The following ZNF608 variants were observed in gnomAD, a reference collection of about 807,000 sequenced individuals.
ZNF608 encodes the protein renal carcinoma antigen NY-REN-36.
A neutral mutation model predicts 109.0 loss-of-function variants in ZNF608; 12 were observed. That is an observed-to-expected ratio of 0.11 (90% CI 0.07 to 0.18). ZNF608 has a LOEUF of 0.18. Among genes scored for constraint, ZNF608 ranks in the 10% least tolerant of loss-of-function variants. The probability of loss-of-function intolerance (pLI) is 1.00; values close to 1 mark genes in which losing one functional copy is unlikely to be tolerated. For synonymous variants in ZNF608, 732 were observed against 717.4 expected (o/e 1.02, Z -0.33); for missense variants, 1,707 against 1,879.3 (o/e 0.91, Z 1.70).
At chr5:124,678,293 C>A (rs997528295) in intron 3 of ZNF608, among the ~76,000 whole-genome samples, 1 of 152,128 alleles carries the variant, frequency 6.6e-6, no homozygotes, top group African/African-American at 2.4e-5. Flanking sequence ...CTCTCAGTAC[C>A]CAAAGGCCTC....
Position 124,703,468 on chromosome 5 carries a change from T to A in ZNF608, c.907-2199A>T, listed in dbSNP as rs190927478. ...CTCTCTGAGGCCCATTTTCCTCAAC[T>A]AGAAAACACATTCCTGGCCAGGTGT... On this transcript the variant is annotated intron_variant, in intron 2 of 9. Transcript: ENST00000513986. 3.1e-3 allele frequency among the ~76,000 whole-genome samples: 468 copies of A among 152,170 alleles called. 1 individual carries two copies. The highest frequency in any genetic ancestry group is 4.5e-3 in the Non-Finnish European group (308 of 68,002).
intron 3 of ZNF608, among the ~76,000 whole-genome samples, chr5:124,664,333 A>G (rs1238469112): frequency 2.0e-5 from 3 of 152,242 alleles, no homozygotes; most frequent in Non-Finnish European, 4.4e-5. Flanking sequence ...AACTGAACTC[A>G]GGATTTGCTC....
chr5:124,708,445 A>G (rs1240103915), intron 2 of ZNF608, among the ~76,000 whole-genome samples: 3 of 152,236 alleles, frequency 2.0e-5, no homozygotes, highest in Admixed American at 6.5e-5. Context: ...TGAGATGGAA[A>G]GAAATCTTTC....
chr5:124,721,707 G>A (rs906745618), intron 2 of ZNF608, among the ~76,000 whole-genome samples: 26 of 151,818 alleles, frequency 1.7e-4, no homozygotes, highest in Admixed American at 3.3e-4. Flanking sequence ...AGGCTGAGGC[G>A]GGTGGATCGT....
rs34612595 is a variant in ZNF608, at chr5:124,668,195, A to AATAT, written c.1163-18502_1163-18499dup. 1.0e-3 allele frequency among the ~76,000 whole-genome samples: 142 copies of AATAT among 135,676 alleles called. 1 individual carries two copies. The highest frequency in any genetic ancestry group is 1.5e-3 in the Non-Finnish European group (98 of 64,354). 89.0% of individuals were successfully genotyped at this position (135,676 alleles called of 152,430 possible). On this transcript the variant is annotated intron_variant, in intron 3 of 9. Transcript: ENST00000513986. ...TATGGAGACCTTCTCTATGCTTAAA[A>AATAT]ATATATATATATATATATATATTAT... is the stretch of plus-strand genomic sequence containing the variant.
chr5:124,652,314 C>G (rs990283462), intron 3 of ZNF608, among the ~76,000 whole-genome samples: 3 of 152,178 alleles, frequency 2.0e-5, no homozygotes, highest in African/African-American at 7.2e-5. Flanking sequence ...AAGAAAAATC[C>G]ATTTTCAACC....
At chr5:124,713,810 G>T (rs1753592840) in intron 2 of ZNF608, among the ~76,000 whole-genome samples, 1 of 152,088 alleles carries the variant, frequency 6.6e-6, no homozygotes, top group Admixed American at 6.6e-5. Context: ...GTTGGAACAG[G>T]GCAGGAAGGA....
chr5:124,745,231 A>C (rs571513568), intron 1 of ZNF608, 59 bp from the exon 2 acceptor site: 2 of 1,357,374 alleles, frequency 1.5e-6, no homozygotes, highest in South Asian at 3.7e-5. Context: ...AGAATAAAAA[A>C]CGATTAGTAT....
intron 9 of ZNF608, 147 bp from the exon 10 acceptor site, chr5:124,638,053 T>A: frequency 1.4e-6 from 1 of 710,390 alleles, no homozygotes; most frequent in Non-Finnish European, 2.4e-6. Context: ...TGGGTTCAAG[T>A]GATTCTCCTG....
At chr5:124,747,252 T>C (rs1191392566), upstream of ZNF608, among the ~76,000 whole-genome samples, 1 of 151,778 alleles carries the variant, frequency 6.6e-6, no homozygotes, top group African/African-American at 2.4e-5. Flanking sequence ...CTTTTATTTA[T>C]TTTTTCTCTC....
At chr5:124,739,126 T>G (rs1749270978) in intron 2 of ZNF608, among the ~76,000 whole-genome samples, 1 of 152,142 alleles carries the variant, frequency 6.6e-6, no homozygotes, top group Non-Finnish European at 1.5e-5. Context: ...CCCCGCAGCT[T>G]CACCATTAAC....
At chr5:124,705,232 G>A (rs1753211887) in intron 2 of ZNF608, among the ~76,000 whole-genome samples, 1 of 152,226 alleles carries the variant, frequency 6.6e-6, no homozygotes, top group African/African-American at 2.4e-5. Context: ...GGTGGCAACA[G>A]TTTCCACAAG....
intron 3 of ZNF608, among the ~76,000 whole-genome samples, chr5:124,690,628 G>T (rs1334026545): frequency 1.3e-5 from 2 of 151,938 alleles, no homozygotes; most frequent in East Asian, 1.9e-4. Flanking sequence ...CAGGAAGATC[G>T]CTTGAACCCA....
At chr5:124,678,192 T>C (rs1222560161) in intron 3 of ZNF608, among the ~76,000 whole-genome samples, 1 of 152,176 alleles carries the variant, frequency 6.6e-6, no homozygotes, top group Admixed American at 6.5e-5. Flanking sequence ...GCATTATTCA[T>C]GCCTTTTCCA....
intron 2 of ZNF608, among the ~76,000 whole-genome samples, chr5:124,704,818 C>G (rs917989338): frequency 1.3e-5 from 2 of 151,946 alleles, no homozygotes; most frequent in Non-Finnish European, 2.9e-5. Flanking sequence ...CCAACCTACT[C>G]AGTCGAGAGA....
intron 2 of ZNF608, among the ~76,000 whole-genome samples, chr5:124,736,257 G>A (rs1749137883): frequency 6.6e-6 from 1 of 152,320 alleles, no homozygotes; most frequent in East Asian, 1.9e-4. Flanking sequence ...AGATTTGATA[G>A]CATTATCCAT....
chr5:124,698,188 T>A (rs1467874515), intron 3 of ZNF608, among the ~76,000 whole-genome samples: 4 of 152,214 alleles, frequency 2.6e-5, no homozygotes, highest in Non-Finnish European at 5.9e-5. Flanking sequence ...ATGTGTTTGT[T>A]CTGTGTCTCT....
At chr5:124,663,544 G>A (rs1256592197) in intron 3 of ZNF608, among the ~76,000 whole-genome samples, 1 of 152,188 alleles carries the variant, frequency 6.6e-6, no homozygotes, top group Non-Finnish European at 1.5e-5. Flanking sequence ...CAGGGAAAAA[G>A]CACAAAAACC....
At chr5:124,723,159 T>C (rs1021500453) in intron 2 of ZNF608, among the ~76,000 whole-genome samples, 1 of 151,616 alleles carries the variant, frequency 6.6e-6, no homozygotes, top group African/African-American at 2.4e-5. Flanking sequence ...GCCTCTCAAA[T>C]AGGTGGGATT....
Sources: gnomAD v4.1 joint callset for allele counts (sites outside exome capture counted in the v4.1 genomes callset) on GRCh38, gnomAD v4.1.1 for gene constraint, MANE v1.5 for transcripts, NCBI Gene and HGNC (gene_info 2026-07-23, HGNC 2026-07-21) for gene names.